AHR: variants seen among roughly 807,000 people sequenced by gnomAD.
The protein encoded by AHR is aryl hydrocarbon receptor.
AHR carries 40 observed loss-of-function variants against 86.8 expected under a neutral mutation model. That is an observed-to-expected ratio of 0.46 (90% CI 0.36 to 0.60). AHR has a LOEUF of 0.60. Ranked by LOEUF, AHR falls within the 20% of genes least tolerant of loss-of-function variation. The pLI, the probability that AHR is intolerant of heterozygous loss-of-function variation, is 0.00. For synonymous variants in AHR, 398 were observed against 354.9 expected, an observed-to-expected ratio of 1.12 and a Z score of -1.37; for missense variants, 1,001 against 1,011.6, an observed-to-expected ratio of 0.99 and a Z score of 0.14.
intron 2 of AHR, among the ~76,000 whole-genome samples, chr7:17,319,216 T>C (rs1453847809): frequency 6.6e-6 from 1 of 152,170 alleles, no homozygotes; most frequent in African/African-American, 2.4e-5. Flanking sequence ...AAAGTCAGCA[T>C]AGACTTCGTT....
chr7:17,343,219 T>C lies in AHR; in HGVS notation c.*155T>C. 2 of 951,634 alleles carry C rather than the reference T, an allele frequency of 2.1e-6. No individual in the cohort carries two copies. Among genetic ancestry groups the C allele is most frequent in the Admixed American group, 2.4e-5 (1 of 41,990 alleles). 58.9% of individuals were successfully genotyped at this position (951,634 alleles called of 1,614,324 possible). On this transcript the variant is annotated 3_prime_UTR_variant, in exon 11 of 11. Coordinates refer to ENST00000242057, the MANE Select transcript of AHR (RefSeq NM_001621.5). Reference sequence around the variant, plus strand: ...TTCCAAACCAAATTTTAATTTTTGCTTTTAGAAAAGGGAGTTTAAAAATGG... The same window carrying C: ...TTCCAAACCAAATTTTAATTTTTGCCTTTAGAAAAGGGAGTTTAAAAATGG...
intron 2 of AHR, among the ~76,000 whole-genome samples, chr7:17,311,546 T>G (rs1200008145): frequency 6.6e-6 from 1 of 152,246 alleles, no homozygotes; most frequent in East Asian, 1.9e-4. Context: ...TTTATTGATT[T>G]GCTTGCTTGC....
At position 17,329,479 on chromosome 7, in the gene AHR, C is replaced by T. The variant is rs184821559; in HGVS notation, c.451-473C>T. On this transcript the variant is annotated intron_variant, in intron 4 of 10. Transcript: ENST00000242057. ...GTTTAATATGGTAAAGGCACAATCC[C>T]TTGCTCTTGTGGAGTCTACTTGGAG... 6.6e-5 allele frequency among the ~76,000 whole-genome samples: 10 copies of T among 151,974 alleles called. No homozygotes were observed. In the East Asian group the frequency reaches 1.9e-3, roughly 29 times the overall value.
intron 1 of AHR, among the ~76,000 whole-genome samples, chr7:17,303,516 C>T (rs920555102): frequency 3.9e-5 from 6 of 151,970 alleles, no homozygotes; most frequent in African/African-American, 7.2e-5. Context: ...TGTGTTTTTA[C>T]GTCCTTTCCT....
At chr7:17,311,585 A>T (rs557979601) in intron 2 of AHR, among the ~76,000 whole-genome samples, 15 of 152,152 alleles carry the variant, frequency 9.9e-5, no homozygotes, top group Non-Finnish European at 1.9e-4. Context: ...GACAAAAGCT[A>T]TTTAGTTTAA....
At chr7:17,327,923 C>A in intron 4 of AHR, 75 bp downstream of exon 4, 1 of 517,308 alleles carries the variant, frequency 1.9e-6, no homozygotes, top group South Asian at 5.8e-5. Context: ...CACAGTTGGC[C>A]ATTTGTATGT....
intron 3 of AHR, among the ~76,000 whole-genome samples, chr7:17,326,605 G>A (rs985451334): frequency 2.0e-5 from 3 of 152,220 alleles, no homozygotes; most frequent in Admixed American, 1.3e-4. Flanking sequence ...CTGAGTGCTG[G>A]CTCTGTGCCA....
At chr7:17,309,743 C>T (rs573775528) in intron 1 of AHR, among the ~76,000 whole-genome samples, 193 bp from the exon 2 acceptor site, 10 of 152,196 alleles carry the variant, frequency 6.6e-5, no homozygotes, top group East Asian at 3.9e-4. Flanking sequence ...ATGAAATATT[C>T]GGAAGAATTT....
chr7:17,313,040 TTGTG>T, intron 2 of AHR, among the ~76,000 whole-genome samples: 1 of 152,206 alleles, frequency 6.6e-6, no homozygotes, highest in Non-Finnish European at 1.5e-5. Flanking sequence ...ATATTTTTGC[TTGTG>T]TTATAGTGGT....
Position 17,339,880 on chromosome 7 carries a change from C to T in AHR, c.2055C>T (p.Phe685=), listed in dbSNP as rs1210176107. The stretch of plus-strand genomic sequence containing the variant: ...ACTTACATGGGATCAGTCAAGAGTT[C>T]CCCTACAAATCTGAAATGGATTCTA... ...FTDLHGISQE[F]PYKSEMDSMP... The change falls in exon 10 of 11, where the codon TTC becomes TTT. Residue 685 remains phenylalanine, a synonymous_variant. Transcript: ENST00000242057. 6.2e-7 allele frequency: 1 copy of T among 1,614,170 alleles called. No individual in the cohort carries two copies. The highest frequency in any genetic ancestry group is 8.5e-7 in the Non-Finnish European group (1 of 1,180,010).
At chr7:17,300,528 C>T (rs1288232347) in intron 1 of AHR, among the ~76,000 whole-genome samples, 1 of 152,100 alleles carries the variant, frequency 6.6e-6, no homozygotes, top group Non-Finnish European at 1.5e-5. Flanking sequence ...CATAGTTCTT[C>T]AGAAGTATAC....
At chr7:17,310,797 A>C (rs578254273) in intron 2 of AHR, among the ~76,000 whole-genome samples, 2 of 152,042 alleles carry the variant, frequency 1.3e-5, no homozygotes, top group Non-Finnish European at 2.9e-5. Flanking sequence ...CAGCCTCCCA[A>C]AGTGCTGGGA....
chr7:17,299,425 C>T, intron 1 of AHR, 96 bp downstream of exon 1: 1 of 1,408,256 alleles, frequency 7.1e-7, no homozygotes, highest in Non-Finnish European at 9.7e-7. Context: ...CCCTGCGATC[C>T]TGGGATTAGG....
chr7:17,322,386 A>G, intron 2 of AHR, 115 bp from the exon 3 acceptor site: 1 of 667,954 alleles, frequency 1.5e-6, no homozygotes, highest in Non-Finnish European at 2.6e-6. Flanking sequence ...AATACTAAAA[A>G]TACCAGTGGA....
chr7:17,324,837 C>G (rs957574584), intron 3 of AHR, among the ~76,000 whole-genome samples: 3 of 151,902 alleles, frequency 2.0e-5, no homozygotes, highest in Non-Finnish European at 2.9e-5. Flanking sequence ...TTTAAGACAT[C>G]TTTCTAGGTT....
intron 2 of AHR, 22 bp from the exon 3 acceptor site, chr7:17,322,479 T>G: frequency 6.7e-7 from 1 of 1,497,920 alleles, no homozygotes; most frequent in Non-Finnish European, 9.3e-7. Flanking sequence ...TTAAAATCAT[T>G]GTTTTTCCTT....
rs1782451154 is a variant in AHR, at chr7:17,343,726, C to T, written c.*662C>T. 1 of 152,416 alleles carries T rather than the reference C, an allele frequency of 6.6e-6. No individual in the cohort carries two copies. Among genetic ancestry groups the T allele is most frequent in the African/African-American group, 2.4e-5 (1 of 41,346 alleles). 9.4% of individuals were successfully genotyped at this position (152,416 alleles called of 1,614,324 possible). On this transcript the variant is annotated 3_prime_UTR_variant, in exon 11 of 11. Coordinates refer to ENST00000242057, the MANE Select transcript of AHR (RefSeq NM_001621.5). ...CAAATATTATTTGTGTTTCCTAAAT[C>T]CAACCATTTTCATTAATTCAGGCAT...
Position 17,298,774 on chromosome 7 carries a change from C to G in AHR, c.-491C>G. ...GCAGCCGGGACTGGTGGCCCGCGCC[C>G]GAGCTCCGCAGGCGGGAAGCACCCT... On this transcript the variant is annotated 5_prime_UTR_variant, in exon 1 of 11. Transcript: ENST00000242057. The G allele has an allele frequency of 2.5e-6, 1 of 397,934 alleles. No homozygotes were observed. Among genetic ancestry groups the G allele is most frequent in the Non-Finnish European group, 4.4e-6 (1 of 225,638 alleles). 24.7% of individuals were successfully genotyped at this position (397,934 alleles called of 1,614,324 possible). A position where few individuals can be genotyped will look rare whatever the true frequency, so the allele number is the denominator to read the frequency against.
rs765826211 is a variant in AHR at position 17,339,574 on chromosome 7, G to A, written c.1749G>A (p.Thr583=). Residue 583 remains threonine (T), a synonymous_variant, in exon 10 of 11, where the codon ACG becomes ACA. Transcript: ENST00000242057. Reference sequence around the variant, plus strand: ...TTGACTTAACGGATGAAATCCTGACGTATGTCCAAGATTCTTTAAGTAAGT... The same window carrying A: ...TTGACTTAACGGATGAAATCCTGACATATGTCCAAGATTCTTTAAGTAAGT... ...RDIDLTDEIL[T]YVQDSLSKSP... The A allele has an allele frequency of 2.8e-5, 45 of 1,614,032 alleles. No individual in the cohort carries two copies. The highest frequency in any genetic ancestry group is 4.5e-5 in the East Asian group (2 of 44,890).
Sources: gnomAD v4.1 joint callset for allele counts (sites outside exome capture counted in the v4.1 genomes callset) on GRCh38, gnomAD v4.1.1 for gene constraint, MANE v1.5 for transcripts, NCBI Gene and HGNC (gene_info 2026-07-23, HGNC 2026-07-21) for gene names.